The following SLC9A9 variants were observed in gnomAD, a reference collection of about 807,000 sequenced individuals.
The protein encoded by SLC9A9 is solute carrier family 9 member A9, also known as sodium/hydrogen exchanger 9.
A neutral mutation model predicts 77.8 loss-of-function variants in SLC9A9; 62 were observed. The ratio of observed to expected loss-of-function variants is 0.80; its 90% CI spans 0.65 to 0.98. The LOEUF is 0.98. Ranked by LOEUF, SLC9A9 falls within the 50% of genes least tolerant of loss-of-function variation. The probability of loss-of-function intolerance (pLI) is 0.00; values close to 1 mark genes in which losing one functional copy is unlikely to be tolerated. For synonymous variants in SLC9A9, 320 were observed against 283.5 expected, an observed-to-expected ratio of 1.13 and a Z score of -1.29; for missense variants, 775 against 774.9, an observed-to-expected ratio of 1.00 and a Z score of 0.00.
At chr3:143,475,855 G>T (rs1317189871) in intron 11 of SLC9A9, among the ~76,000 whole-genome samples, 1 of 149,914 alleles carries the variant, frequency 6.7e-6, no homozygotes, top group African/African-American at 2.4e-5. Flanking sequence ...ACAGGGATGA[G>T]AACTGTCCCT....
chr3:143,367,119 T>C (rs1049666082), intron 13 of SLC9A9, among the ~76,000 whole-genome samples: 1 of 152,232 alleles, frequency 6.6e-6, no homozygotes, highest in Non-Finnish European at 1.5e-5. Context: ...TCAGAACTCA[T>C]ATGCACTTCT....
intron 4 of SLC9A9, among the ~76,000 whole-genome samples, chr3:143,715,804 C>T (rs986193253): frequency 1.3e-5 from 2 of 152,292 alleles, no homozygotes; most frequent in South Asian, 2.1e-4. Flanking sequence ...AGGGCAGCAT[C>T]GAGCGTCCTC....
chr3:143,672,961 C>A (rs371430558), intron 5 of SLC9A9, among the ~76,000 whole-genome samples: 1 of 152,046 alleles, frequency 6.6e-6, no homozygotes, highest in Non-Finnish European at 1.5e-5. Context: ...CCATAGTAAC[C>A]CCAAATAGAA....
intron 4 of SLC9A9, among the ~76,000 whole-genome samples, chr3:143,765,766 C>T (rs983642693): frequency 6.6e-6 from 1 of 152,160 alleles, no homozygotes; most frequent in Non-Finnish European, 1.5e-5. Flanking sequence ...CCCACTTCCT[C>T]ACCCTTCCAT....
intron 9 of SLC9A9, among the ~76,000 whole-genome samples, chr3:143,513,844 A>G (rs997412847): frequency 6.6e-6 from 1 of 152,124 alleles, no homozygotes; most frequent in African/African-American, 2.4e-5. Flanking sequence ...TTTATTTTTT[A>G]TTTATTATAC....
chr3:143,327,101 CAT>C (rs764023999), intron 14 of SLC9A9, among the ~76,000 whole-genome samples: 90 of 119,922 alleles, frequency 7.5e-4, no homozygotes, highest in Non-Finnish European at 7.0e-4. Context: ...GAGACGGAAA[CAT>C]AGTCCTCTAG....
intron 2 of SLC9A9, among the ~76,000 whole-genome samples, chr3:143,827,603 T>A (rs942459563): frequency 2.6e-5 from 4 of 152,144 alleles, no homozygotes; most frequent in Non-Finnish European, 5.9e-5. Flanking sequence ...CACAGAGCCA[T>A]CAAACCAGTT....
chr3:143,290,727 G>T (rs2029918803), intron 14 of SLC9A9, among the ~76,000 whole-genome samples: 1 of 152,118 alleles, frequency 6.6e-6, no homozygotes. Flanking sequence ...ATGGGTTCTG[G>T]GCCAAAATAA....
intron 14 of SLC9A9, among the ~76,000 whole-genome samples, chr3:143,317,195 A>G (rs980766382): frequency 2.0e-5 from 3 of 152,178 alleles, no homozygotes; most frequent in African/African-American, 7.2e-5. Context: ...TCTGGCTGAA[A>G]AGGAGGAAAA....
intron 6 of SLC9A9, among the ~76,000 whole-genome samples, chr3:143,607,866 A>G (rs1031053057): frequency 6.6e-6 from 1 of 151,928 alleles, no homozygotes; most frequent in Non-Finnish European, 1.5e-5. Flanking sequence ...TATGTGTTTT[A>G]AATGTGTTAT....
intron 4 of SLC9A9, among the ~76,000 whole-genome samples, chr3:143,728,873 G>T (rs1468724113): frequency 1.3e-5 from 2 of 151,840 alleles, no homozygotes; most frequent in African/African-American, 4.8e-5. Flanking sequence ...CCCTGTAACT[G>T]ATATGGTGGA....
At chr3:143,406,919 C>T (rs1055445398) in intron 12 of SLC9A9, among the ~76,000 whole-genome samples, 11 of 143,240 alleles carry the variant, frequency 7.7e-5, no homozygotes, top group African/African-American at 2.3e-4. Context: ...GAGGTTGCAG[C>T]GAGCCAAGGT....
At chr3:143,591,039 A>T (rs1203414611) in intron 6 of SLC9A9, among the ~76,000 whole-genome samples, 1 of 152,182 alleles carries the variant, frequency 6.6e-6, no homozygotes, top group African/African-American at 2.4e-5. Context: ...GGTGCCTTTC[A>T]TTCTCACATT....
chr3:143,468,898 A>T (rs549693473), intron 11 of SLC9A9, among the ~76,000 whole-genome samples: 1 of 152,322 alleles, frequency 6.6e-6, no homozygotes, highest in Admixed American at 6.5e-5. Flanking sequence ...ATGGTGGTTC[A>T]CGCCTGTAAT....
chr3:143,492,895 G>GT (rs2035773458), intron 11 of SLC9A9, among the ~76,000 whole-genome samples: 1 of 152,184 alleles, frequency 6.6e-6, no homozygotes, highest in African/African-American at 2.4e-5. Context: ...TAGGAATCAC[G>GT]TAAGGATCTC....
chr3:143,703,559 G>C (rs931261723), intron 4 of SLC9A9, among the ~76,000 whole-genome samples: 14 of 151,914 alleles, frequency 9.2e-5, no homozygotes, highest in African/African-American at 3.4e-4. Context: ...ATGGAATACA[G>C]CAAAAGCAGT....
intron 4 of SLC9A9, among the ~76,000 whole-genome samples, chr3:143,725,467 CTAAGACTTGGA>C (rs1406321385): frequency 1.3e-5 from 2 of 151,918 alleles, no homozygotes; most frequent in African/African-American, 2.4e-5. Context: ...TTCACAATAG[CTAAGACTTGGA>C]ACCAACCCAA....
At chr3:143,706,589 T>A (rs1933985145) in intron 4 of SLC9A9, among the ~76,000 whole-genome samples, 3 of 152,156 alleles carry the variant, frequency 2.0e-5, no homozygotes, top group African/African-American at 7.2e-5. Context: ...TGGTGACAGG[T>A]GAGTCCCCGT....
intron 4 of SLC9A9, among the ~76,000 whole-genome samples, chr3:143,717,192 A>G (rs1487673822): frequency 6.6e-6 from 1 of 152,232 alleles, no homozygotes; most frequent in African/African-American, 2.4e-5. Context: ...GTATCTGGTT[A>G]ATATGTAGAC....
Sources: allele counts gnomAD v4.1 joint callset (sites outside exome capture counted in the v4.1 genomes callset), GRCh38; gene constraint gnomAD v4.1.1; transcripts MANE v1.5; gene names NCBI Gene and HGNC (gene_info 2026-07-23, HGNC 2026-07-21).